Variants in AFF3 observed in about 807,000 individuals in gnomAD.
The protein encoded by AFF3 is AF4/FMR2 family member 3.
In AFF3, 32 loss-of-function variants were observed where a neutral mutation model predicts 129.7. The observed-to-expected ratio is 0.25, with a 90% CI of 0.19 to 0.33. AFF3 has a LOEUF of 0.33. AFF3 is among the 10% of genes least tolerant of loss of function. AFF3 has a pLI of 1.00. For missense variants in AFF3, 1,373 were observed against 1,592.0 expected (o/e 0.86, Z 2.34); for synonymous variants, 644 against 635.4 (o/e 1.01, Z -0.20).
intron 7 of AFF3, among the ~76,000 whole-genome samples, chr2:99,917,710 A>G (rs1276156999): frequency 6.6e-6 from 1 of 152,216 alleles, no homozygotes; most frequent in Non-Finnish European, 1.5e-5. Flanking sequence ...ATATTCTGAT[A>G]ATAGTGATAG....
intron 7 of AFF3, among the ~76,000 whole-genome samples, chr2:99,920,889 A>T (rs898198050): frequency 1.3e-5 from 2 of 152,144 alleles, no homozygotes; most frequent in African/African-American, 2.4e-5. Flanking sequence ...GCTTTTTACA[A>T]GAGTATGAAA....
intron 7 of AFF3, among the ~76,000 whole-genome samples, chr2:99,883,945 T>C (rs1226106800): frequency 2.6e-5 from 4 of 152,192 alleles, no homozygotes; most frequent in Admixed American, 1.3e-4. Flanking sequence ...CTCTGCTTGA[T>C]TATTCCATGA....
intron 9 of AFF3, among the ~76,000 whole-genome samples, chr2:99,744,752 T>C (rs550213462): frequency 2.6e-5 from 4 of 152,242 alleles, no homozygotes; most frequent in Non-Finnish European, 5.9e-5. Context: ...TTGCGTCACA[T>C]GGATATACAA....
chr2:99,833,933 G>A (rs977900209), intron 8 of AFF3, among the ~76,000 whole-genome samples: 12 of 152,004 alleles, frequency 7.9e-5, no homozygotes, highest in African/African-American at 2.4e-4. Flanking sequence ...TAAAACTCTC[G>A]GAGTAAGGAT....
rs74462112 is a variant in AFF3 at position 99,583,185 on chromosome 2, C to G, written c.2592-186G>C. 9.8e-3 allele frequency among the ~76,000 whole-genome samples: 1,485 copies of G among 152,266 alleles called. 18 individuals carry two copies. Among genetic ancestry groups the G allele is most frequent in the African/African-American group, 0.034 (1,407 of 41,552 alleles). Reference sequence around the variant, plus strand: ...AAACAATAAGCAAATCTCACTCACTCTTTCTTTTCTCTTCCCATCAGGATG... The same window carrying G: ...AAACAATAAGCAAATCTCACTCACTGTTTCTTTTCTCTTCCCATCAGGATG... On this transcript the variant is annotated intron_variant, in intron 16 of 24. Coordinates refer to ENST00000672756, the MANE Select transcript of AFF3 (RefSeq NM_001386135.1).
intron 7 of AFF3, among the ~76,000 whole-genome samples, chr2:99,875,400 C>T (rs1309672530): frequency 6.6e-6 from 1 of 152,208 alleles, no homozygotes; most frequent in Non-Finnish European, 1.5e-5. Context: ...TTTATAACCA[C>T]TTCTATTTTA....
At chr2:99,685,639 T>C (rs1050563277) in intron 11 of AFF3, among the ~76,000 whole-genome samples, 3 of 152,224 alleles carry the variant, frequency 2.0e-5, no homozygotes, top group Non-Finnish European at 4.4e-5. Flanking sequence ...TTTAAACATA[T>C]TCATCTATTT....
Position 99,858,670 on chromosome 2 carries a change from G to A in AFF3, c.874-21146C>T, listed in dbSNP as rs190667319. Reference sequence around the variant, plus strand: ...AGGAACAGAAAACCAAATACTGCACGTTCTCACTTATAAGTGGGAGCTAAA... The same window carrying A: ...AGGAACAGAAAACCAAATACTGCACATTCTCACTTATAAGTGGGAGCTAAA... On this transcript the variant is annotated intron_variant, in intron 7 of 24. Coordinates refer to ENST00000672756, the MANE Select transcript of AFF3 (RefSeq NM_001386135.1). Among the ~76,000 whole-genome samples the A allele has an allele frequency of 4.8e-3, 734 of 152,254 alleles. 8 individuals carry two copies. The highest frequency in any genetic ancestry group is 0.017 in the African/African-American group (692 of 41,550).
At chr2:99,838,022 T>C (rs557969573) in intron 7 of AFF3, among the ~76,000 whole-genome samples, 154 of 152,268 alleles carry the variant, frequency 1.0e-3, no homozygotes, top group African/African-American at 3.7e-3. Context: ...GGCAGAAAAC[T>C]GAAAGACCAA....
At chr2:100,014,213 A>G (rs1439190456) in intron 4 of AFF3, among the ~76,000 whole-genome samples, 1 of 152,058 alleles carries the variant, frequency 6.6e-6, no homozygotes, top group African/African-American at 2.4e-5. Flanking sequence ...CTTGACTAGA[A>G]TCATCAAAAT....
intron 13 of AFF3, among the ~76,000 whole-genome samples, chr2:99,610,861 T>C (rs1016976830): frequency 6.6e-6 from 1 of 152,214 alleles, no homozygotes; most frequent in African/African-American, 2.4e-5. Flanking sequence ...ATTATGAGTA[T>C]GAATACTTTC....
At chr2:99,662,653 G>C (rs997524041) in intron 12 of AFF3, among the ~76,000 whole-genome samples, 3 of 152,144 alleles carry the variant, frequency 2.0e-5, no homozygotes, top group Non-Finnish European at 4.4e-5. Context: ...TGCAAAAACT[G>C]TCTAGCTCTT....
At chr2:99,644,279 C>T (rs1684488176) in intron 13 of AFF3, among the ~76,000 whole-genome samples, 1 of 152,190 alleles carries the variant, frequency 6.6e-6, no homozygotes, top group African/African-American at 2.4e-5. Context: ...AATTTAACCA[C>T]ATGGCTATCT....
rs1558617921 is a variant in AFF3 at position 99,593,764 on chromosome 2, T to C, written c.1897A>G (p.Asn633Asp). The change falls in exon 15 of 25, where the codon AAC becomes GAC. Residue 633 changes from asparagine to aspartate, a missense_variant. Coordinates refer to ENST00000672756, the MANE Select transcript of AFF3 (RefSeq NM_001386135.1). ...EPTKTRPCGNNRASHRKELRS... is the reference protein window; with the variant it reads ...EPTKTRPCGNDRASHRKELRS... Reference sequence around the variant, plus strand: ...AGCTCCTTGCGGTGGCTCGCTCTGTTGTTGCCACAGGGCCTGGTTTTGGTG... The same window carrying C: ...AGCTCCTTGCGGTGGCTCGCTCTGTCGTTGCCACAGGGCCTGGTTTTGGTG... 1 of 1,612,700 alleles carries C rather than the reference T, an allele frequency of 6.2e-7. No individual in the cohort carries two copies. Among genetic ancestry groups the C allele is most frequent in the Non-Finnish European group, 8.5e-7 (1 of 1,179,934 alleles).
intron 11 of AFF3, chr2:99,707,112 A>G: frequency 1.0e-6 from 1 of 985,456 alleles, no homozygotes; most frequent in Non-Finnish European, 1.2e-6. Context: ...ACCCCGATGA[A>G]GGCTGGCTCC....
chr2:99,790,984 G>A (rs1685150283), intron 8 of AFF3, among the ~76,000 whole-genome samples: 1 of 152,224 alleles, frequency 6.6e-6, no homozygotes, highest in African/African-American at 2.4e-5. Context: ...AGAACGAAGC[G>A]AGTACACAAA....
At chr2:100,024,148 C>T (rs1194203913) in intron 4 of AFF3, among the ~76,000 whole-genome samples, 7 of 133,882 alleles carry the variant, frequency 5.2e-5, no homozygotes, top group African/African-American at 5.8e-5. Flanking sequence ...AGGAGAATGG[C>T]GTGAACCCGG....
At chr2:100,103,588 C>G (rs543552164) in intron 4 of AFF3, among the ~76,000 whole-genome samples, 1 of 151,578 alleles carries the variant, frequency 6.6e-6, no homozygotes, top group Admixed American at 6.6e-5. Context: ...TTAAGACACC[C>G]GCAACTGGAA....
chr2:99,706,207 A>C (rs1237865701), intron 11 of AFF3, among the ~76,000 whole-genome samples: 3 of 152,226 alleles, frequency 2.0e-5, no homozygotes, highest in Admixed American at 1.3e-4. Context: ...TACAGGTATT[A>C]ATATTTTTAA....
Sources: allele counts gnomAD v4.1 joint callset (sites outside exome capture counted in the v4.1 genomes callset), GRCh38; gene constraint gnomAD v4.1.1; transcripts MANE v1.5; gene names NCBI Gene and HGNC (gene_info 2026-07-23, HGNC 2026-07-21).